The following EEA1 variants were observed in gnomAD, a reference collection of about 807,000 sequenced individuals.
EEA1 encodes the protein early endosome antigen 1, 162kD.
Under a neutral mutation model 209.2 loss-of-function variants are expected in EEA1, and 111 were observed. That is an observed-to-expected ratio of 0.53 (90% CI 0.45 to 0.62). The LOEUF (loss-of-function observed/expected upper bound fraction) is 0.62. Ranked by LOEUF, EEA1 falls within the 20% of genes least tolerant of loss-of-function variation. EEA1 has a pLI of 0.00. For missense variants in EEA1, 1,343 were observed against 1,530.8 expected (o/e 0.88, Z 2.05); for synonymous variants, 536 against 540.6 (o/e 0.99, Z 0.12).
intron 18 of EEA1, among the ~76,000 whole-genome samples, chr12:92,806,207 A>T (rs964143685): frequency 1.3e-5 from 2 of 152,214 alleles, no homozygotes; most frequent in African/African-American, 2.4e-5. Context: ...TAGAAAACTG[A>T]CAAAATAAAT....
intron 11 of EEA1, among the ~76,000 whole-genome samples, chr12:92,830,696 AG>A (rs1433702490): frequency 1.3e-5 from 2 of 152,196 alleles, no homozygotes; most frequent in African/African-American, 4.8e-5. Flanking sequence ...AAGGAAAAGA[AG>A]GGTAAATTGC....
At chr12:92,835,344 A>G in intron 10 of EEA1, 1 of 298,006 alleles carries the variant, frequency 3.4e-6, no homozygotes, top group South Asian at 2.8e-5. Flanking sequence ...AGACTTACTT[A>G]GAAAGTAACC....
In EEA1 at chr12:92,780,326, G is replaced by T; in HGVS notation, c.3422C>A (p.Thr1141Asn). Reference sequence around the variant, plus strand: ...GGACTTGAGTTCTTCGTTTAGTTTAGTGATTTCTTTTTCTTGTCTACATTT... The same window carrying T: ...GGACTTGAGTTCTTCGTTTAGTTTATTGATTTCTTTTTCTTGTCTACATTT... ...EIKCRQEKEI[T>N]KLNEELKSHK... Residue 1141 changes from threonine (T) to asparagine (N), a missense_variant, in exon 24 of 29, where the codon ACT becomes AAT. By Grantham distance (65) the Thr-to-Asn change is moderately conservative. This residue lies in a region of EEA1 where 1,307 missense variants were observed against 1,465.5 expected (regional missense o/e 0.89). Transcript: ENST00000322349. 1 of 1,603,566 alleles carries T rather than the reference G, an allele frequency of 6.2e-7. No homozygotes were observed. Among genetic ancestry groups the T allele is most frequent in the Admixed American group, 1.7e-5 (1 of 57,708 alleles).
rs556610573 is a variant in EEA1 at position 92,810,030 on chromosome 12, C to G, written c.2200-874G>C. 1.6e-4 allele frequency among the ~76,000 whole-genome samples: 25 copies of G among 152,256 alleles called. No individual in the cohort carries two copies. The South Asian group carries it at 5.2e-3, about 32-fold the overall frequency. On this transcript the variant is annotated intron_variant, in intron 17 of 28. Transcript: ENST00000322349. ...TTGTTCTTCAGAATATAGTTTGCAT[C>G]TCACATGTATACATGTAATTATGTG...
At chr12:92,802,268 A>G (rs1447019710) in intron 19 of EEA1, 136 bp downstream of exon 19, 4 of 799,406 alleles carry the variant, frequency 5.0e-6, no homozygotes, top group East Asian at 3.1e-5. Context: ...AGCAATCCCA[A>G]TTAATTTCCT....
Position 92,827,936 on chromosome 12 carries a change from G to C in EEA1, c.1380C>G (p.Leu460=), listed in dbSNP as rs760435232. 2.1e-5 allele frequency: 33 copies of C among 1,568,882 alleles called. No homozygotes were observed. In the South Asian group the frequency reaches 3.8e-4, roughly 18 times the overall value. The change falls in exon 12 of 29, where the codon CTC becomes CTG. Residue 460 remains leucine (L), a synonymous_variant. Transcript: ENST00000322349. ...DKEQQVADLQ[L]KLSRLEEQLK... ...CCTGCTCTTCTAACCGAGAAAGTTT[G>C]AGTTGTAAATCAGCCACTTGTTGTT...
At chr12:92,789,784 C>T (rs142941174) in intron 21 of EEA1, among the ~76,000 whole-genome samples, 10,719 of 152,258 alleles carry the variant, frequency 0.07, 511 homozygotes, top group Middle Eastern at 0.12. Context: ...CCCAGCATGG[C>T]GTTTGAGCTC....
At chr12:92,824,556 C>A (rs1876204724) in intron 13 of EEA1, among the ~76,000 whole-genome samples, 1 of 152,168 alleles carries the variant, frequency 6.6e-6, no homozygotes, top group African/African-American at 2.4e-5. Flanking sequence ...CCATCCAGCC[C>A]TGACTTCCCG....
intron 1 of EEA1, among the ~76,000 whole-genome samples, chr12:92,925,097 T>C (rs1159128344): frequency 6.7e-6 from 1 of 149,906 alleles, no homozygotes; most frequent in South Asian, 2.1e-4. Context: ...TCTCTTCCAC[T>C]GGACGCTAAA....
rs1282623287 is a variant in EEA1, at chr12:92,852,188, A to G, written c.629T>C (p.Leu210Pro). The change falls in exon 8 of 29, where the codon CTG (leucine) becomes CCG (proline). Residue 210 changes from leucine (L) to proline (P), a missense_variant. Coordinates refer to ENST00000322349, the MANE Select transcript of EEA1 (RefSeq NM_003566.4). ...TTCCTAAATTACCAGTTCCGTCTTC[A>G]GATCTTGAATTACAGTTGCCTCTTT... ...LNKEATVIQD[L>P]KTELLQRPGI... 11 of 1,581,156 alleles carry G rather than the reference A, an allele frequency of 7.0e-6. No individual in the cohort carries two copies. The highest frequency in any genetic ancestry group is 9.4e-6 in the Non-Finnish European group (11 of 1,166,828).
chr12:92,894,700 T>C (rs1018916418), intron 1 of EEA1, among the ~76,000 whole-genome samples: 10 of 152,192 alleles, frequency 6.6e-5, no homozygotes, highest in Admixed American at 4.6e-4. Flanking sequence ...GGTTGGTTCA[T>C]GGGATTTAAG....
At chr12:92,874,309 G>A (rs1422988000) in intron 2 of EEA1, among the ~76,000 whole-genome samples, 1 of 152,090 alleles carries the variant, frequency 6.6e-6, no homozygotes, top group Non-Finnish European at 1.5e-5. Context: ...AATAGAGTGA[G>A]ACCCTGTCTC....
chr12:92,860,045 C>T (rs1167908756), intron 3 of EEA1, among the ~76,000 whole-genome samples: 4 of 152,224 alleles, frequency 2.6e-5, no homozygotes, highest in Non-Finnish European at 5.9e-5. Flanking sequence ...TTTAACAGCA[C>T]CAAATCAAAA....
intron 21 of EEA1, among the ~76,000 whole-genome samples, chr12:92,797,241 C>G (rs1342627211): frequency 6.6e-6 from 1 of 152,120 alleles, no homozygotes; most frequent in African/African-American, 2.4e-5. Context: ...GTGCACACCA[C>G]CATGCCCAGC....
At position 92,809,079 on chromosome 12, in the gene EEA1, C is replaced by G; in HGVS notation, c.2277G>C (p.Leu759=). 1 of 1,608,734 alleles carries G rather than the reference C, an allele frequency of 6.2e-7. No homozygotes were observed. Among genetic ancestry groups the G allele is most frequent in the Non-Finnish European group, 8.5e-7 (1 of 1,177,186 alleles). Residue 759 remains leucine (L), a synonymous_variant, in exon 18 of 29, where the codon CTG becomes CTC. Coordinates refer to ENST00000322349, the MANE Select transcript of EEA1 (RefSeq NM_003566.4). ...TGGCTCTGAGCTCTAAATCTGTGTT[C>G]AGCTGTCTTTGCTGTTGTAGATCTT... ...ALQDLQQQRQ[L]NTDLELRATE... is the part of the protein sequence containing the mutation.
chr12:92,874,490 C>T (rs1168103915), intron 2 of EEA1, among the ~76,000 whole-genome samples: 5 of 152,222 alleles, frequency 3.3e-5, no homozygotes, highest in African/African-American at 9.6e-5. Flanking sequence ...CTCAGCCTCC[C>T]GAGTAGCTGG....
At chr12:92,927,766 A>C (rs1020893707) in intron 1 of EEA1, among the ~76,000 whole-genome samples, 3 of 152,246 alleles carry the variant, frequency 2.0e-5, no homozygotes, top group African/African-American at 7.2e-5. Flanking sequence ...GTGATGGGGA[A>C]AGTAAAGGAC....
At chr12:92,853,775 T>C (rs533875581) in intron 6 of EEA1, 140 bp downstream of exon 6, 71 of 575,226 alleles carry the variant, frequency 1.2e-4, no homozygotes, top group Non-Finnish European at 1.7e-4. Flanking sequence ...ACCTAGAATA[T>C]GACCATTATC....
intron 2 of EEA1, among the ~76,000 whole-genome samples, chr12:92,869,834 T>C (rs1294811429): frequency 1.3e-5 from 2 of 150,978 alleles, no homozygotes; most frequent in African/African-American, 4.9e-5. Context: ...TTATTACTTT[T>C]GATTTTGGCT....
Sources: allele counts gnomAD v4.1 joint callset (sites outside exome capture counted in the v4.1 genomes callset), GRCh38; gene constraint gnomAD v4.1.1; regional missense constraint gnomAD v4.1.1; transcripts MANE v1.5; gene names NCBI Gene and HGNC (gene_info 2026-07-23, HGNC 2026-07-21).